ZNF827: variants seen among roughly 807,000 people sequenced by gnomAD.
ZNF827 encodes zinc finger protein 827.
A neutral mutation model predicts 102.4 loss-of-function variants in ZNF827; 13 were observed. That is an observed-to-expected ratio of 0.13 (90% confidence interval 0.08 to 0.20). The LOEUF is 0.20. Ranked by LOEUF, ZNF827 falls within the 10% of genes least tolerant of loss-of-function variation. ZNF827 has a pLI of 1.00. For synonymous variants in ZNF827, 523 were observed against 536.2 expected, an observed-to-expected ratio of 0.98 and a Z score of 0.34; for missense variants, 1,103 against 1,344.4, an observed-to-expected ratio of 0.82 and a Z score of 2.81.
In ZNF827 at chr4:145,761,466, G is replaced by A. The variant is rs1489646649; in HGVS notation, c.*150C>T. 1 of 1,289,736 alleles carries A rather than the reference G, an allele frequency of 7.8e-7. No homozygotes were observed. Among genetic ancestry groups the A allele is most frequent in the Non-Finnish European group, 1.0e-6 (1 of 988,878 alleles). The allele number at this position is 1,289,736 out of a possible 1,614,324, so 79.9% of individuals were successfully genotyped here. ...GGTTGCCCAGGCGGTGCTCCCGGGT[G>A]TGCGTCTCCAGCTCCAGCTGGTTGG... On this transcript the variant is annotated 3_prime_UTR_variant, in exon 15 of 15. Coordinates refer to ENST00000508784, the MANE Select transcript of ZNF827 (RefSeq NM_001306215.2). This position sits in a 1 kb window ranked among gnomAD's most constrained non-coding sequence, Gnocchi z 6.8.
intron 9 of ZNF827, 26 bp from the exon 10 acceptor site, chr4:145,775,986 C>T (rs1470470665): frequency 6.2e-7 from 1 of 1,613,476 alleles, no homozygotes; most frequent in African/African-American, 1.3e-5. Flanking sequence ...CAGGAAAAAG[C>T]CCAAATCGCT....
rs138759642 is a variant in ZNF827, at chr4:145,777,407, G to A, written c.2522-1447C>T. The stretch of plus-strand genomic sequence containing the variant: ...AAAAGGTTAGAAAGAACTCACCAGC[G>A]AAAATTTCTGGACCTGATGCCTTTA... On this transcript the variant is annotated intron_variant, in intron 9 of 14. Coordinates refer to ENST00000508784, the MANE Select transcript of ZNF827 (RefSeq NM_001306215.2). Among the ~76,000 whole-genome samples the A allele has an allele frequency of 4.7e-3, 714 of 152,258 alleles. 5 individuals carry two copies. The highest frequency in any genetic ancestry group is 0.016 in the African/African-American group (660 of 41,560).
intron 8 of ZNF827, among the ~76,000 whole-genome samples, chr4:145,785,717 T>C (rs1377301469): frequency 2.6e-5 from 4 of 152,214 alleles, no homozygotes; most frequent in African/African-American, 9.7e-5. Flanking sequence ...ACCTGGCTAG[T>C]GACTCTGGGA....
chr4:145,808,054 ATT>A (rs35503468), intron 8 of ZNF827, among the ~76,000 whole-genome samples: 23 of 145,462 alleles, frequency 1.6e-4, no homozygotes, highest in African/African-American at 1.8e-4. Flanking sequence ...AAGAGTACAC[ATT>A]TTTTTTTTTT....
chr4:145,796,605 A>G (rs1740402715), intron 8 of ZNF827, among the ~76,000 whole-genome samples: 1 of 149,336 alleles, frequency 6.7e-6, no homozygotes, highest in Non-Finnish European at 1.5e-5. Flanking sequence ...CCTTACATAA[A>G]TTATATCATT....
chr4:145,902,949 C>G lies in ZNF827; in HGVS notation c.310G>C (p.Gly104Arg). Reference protein sequence around the residue: ...SLQCQDHLSPGVSSLCDDDPG... With the variant: ...SLQCQDHLSPRVSSLCDDDPG... Reference sequence around the variant, plus strand: ...TCATCGTCACACAAAGAAGACACTCCCGGGGAAAGGTGATCTTGACACTGC... The same window carrying G: ...TCATCGTCACACAAAGAAGACACTCGCGGGGAAAGGTGATCTTGACACTGC... The change falls in exon 2 of 15, where the codon GGA (glycine) becomes CGA (arginine). Residue 104 changes from glycine (G) to arginine (R), a missense_variant. Gly to Arg is a moderately radical substitution (Grantham distance 125). This residue lies in a region of ZNF827 where 441 missense variants were observed against 458.6 expected (regional missense o/e 0.96). Transcript: ENST00000508784. The surrounding 1 kb of genome is among the most constrained non-coding windows in gnomAD (Gnocchi z 4.3). 6.2e-7 allele frequency: 1 copy of G among 1,614,148 alleles called. No individual in the cohort carries two copies. Among genetic ancestry groups the G allele is most frequent in the Non-Finnish European group, 8.5e-7 (1 of 1,180,016 alleles).
rs770263261 is a variant in ZNF827 at position 145,924,376 on chromosome 4, A to G, written c.43+13989T>C. 2.0e-5 allele frequency among the ~76,000 whole-genome samples: 3 copies of G among 152,244 alleles called. No homozygotes were observed. In the South Asian group the frequency reaches 6.2e-4, roughly 31 times the overall value. ...GTTGTCACTATGCTTTTCATTATATATGTATAGATGTTAGATATACTATTT... is the reference window on the plus strand; with the variant it reads ...GTTGTCACTATGCTTTTCATTATATGTGTATAGATGTTAGATATACTATTT... On this transcript the variant is annotated intron_variant, in intron 1 of 14. Transcript: ENST00000508784.
At chr4:145,851,378 T>C (rs1213193911) in intron 5 of ZNF827, among the ~76,000 whole-genome samples, 2 of 152,096 alleles carry the variant, frequency 1.3e-5, no homozygotes, top group Non-Finnish European at 2.9e-5. Context: ...TGCTGATCTG[T>C]GGGACAGTCA....
At chr4:145,849,609 T>C (rs1163257166) in intron 5 of ZNF827, 48 bp from the exon 6 acceptor site, 9 of 1,607,384 alleles carry the variant, frequency 5.6e-6, no homozygotes, top group Non-Finnish European at 7.6e-6. Flanking sequence ...CATTTCTTAA[T>C]TCCAAGCTAG....
chr4:145,926,079 T>C (rs1269151461), intron 1 of ZNF827, among the ~76,000 whole-genome samples: 2 of 152,234 alleles, frequency 1.3e-5, no homozygotes, highest in Non-Finnish European at 2.9e-5. Flanking sequence ...CTCTGCTCAC[T>C]TGTCTCTGAG....
rs1157235208 is a variant in ZNF827, at chr4:145,823,412, G to A, written c.2383+10C>T. On this transcript the variant is annotated intron_variant, in intron 8 of 14. Transcript: ENST00000508784. ...CAACAGTAGAAGCAAAGCCAACAAT[G>A]TTTCCATACCTGGAGCTGATATTCT... is the stretch of plus-strand genomic sequence containing the variant. 1.2e-6 allele frequency: 2 copies of A among 1,608,094 alleles called. No individual in the cohort carries two copies. Among genetic ancestry groups the A allele is most frequent in the Non-Finnish European group, 1.7e-6 (2 of 1,175,982 alleles).
chr4:145,760,347 CA>C lies in ZNF827; in HGVS notation c.*1268del, dbSNP rs1734314445. Reference sequence around the variant, plus strand: ...ACACGGCTTTCTCTTTCAGAATCCACAAACGCCCACACACCGCATTCACCCA... The same window carrying C: ...ACACGGCTTTCTCTTTCAGAATCCACAACGCCCACACACCGCATTCACCCA... On this transcript the variant is annotated 3_prime_UTR_variant, in exon 15 of 15. Coordinates refer to ENST00000508784, the MANE Select transcript of ZNF827 (RefSeq NM_001306215.2). The C allele has an allele frequency of 6.6e-6, 1 of 152,340 alleles. No individual in the cohort carries two copies. Among genetic ancestry groups the C allele is most frequent in the Admixed American group, 6.5e-5 (1 of 15,278 alleles). 9.4% of individuals were successfully genotyped at this position (152,340 alleles called of 1,614,324 possible).
chr4:145,935,528 A>G (rs984658212), intron 1 of ZNF827, among the ~76,000 whole-genome samples: 11 of 152,348 alleles, frequency 7.2e-5, no homozygotes, highest in South Asian at 4.1e-4. Flanking sequence ...AATCCATTCA[A>G]TGCAAAGGTA....
At chr4:145,792,992 T>C (rs1296929210) in intron 8 of ZNF827, among the ~76,000 whole-genome samples, 1 of 152,048 alleles carries the variant, frequency 6.6e-6, no homozygotes, top group East Asian at 1.9e-4. Context: ...ATTTTTCTCA[T>C]GCATTATGAC....
intron 1 of ZNF827, among the ~76,000 whole-genome samples, chr4:145,919,899 T>C (rs1362798295): frequency 6.6e-6 from 1 of 152,212 alleles, no homozygotes; most frequent in Non-Finnish European, 1.5e-5. Flanking sequence ...TTATACAGCA[T>C]GAAACAGCAT....
At chr4:145,823,386 T>C in intron 8 of ZNF827, 36 bp downstream of exon 8, 1 of 1,533,058 alleles carries the variant, frequency 6.5e-7, no homozygotes, top group Non-Finnish European at 9.0e-7. Context: ...TCTTAAGCAA[T>C]CAACAGTAGA....
intron 8 of ZNF827, among the ~76,000 whole-genome samples, chr4:145,803,467 C>T (rs1402479084): frequency 6.6e-6 from 1 of 151,792 alleles, no homozygotes; most frequent in Admixed American, 6.6e-5. Flanking sequence ...CAGGATCATT[C>T]TTAGTTCTTC....
chr4:145,866,819 C>A (rs1293486418), intron 5 of ZNF827, among the ~76,000 whole-genome samples: 4 of 152,214 alleles, frequency 2.6e-5, no homozygotes, highest in African/African-American at 9.6e-5. Flanking sequence ...TTATCTTCAT[C>A]ACTTTGCATC....
chr4:145,903,307 T>C, intron 1 of ZNF827, 92 bp from the exon 2 acceptor site: 2 of 1,479,874 alleles, frequency 1.4e-6, no homozygotes, highest in African/African-American at 1.4e-5. Flanking sequence ...ATGCTTTCTC[T>C]TCCCTTCCAC....
Sources: gnomAD v4.1 joint callset for allele counts (sites outside exome capture counted in the v4.1 genomes callset) on GRCh38, gnomAD v4.1.1 for gene constraint, gnomAD v4.1.1 regional missense constraint, Gnocchi (gnomAD v3.1) non-coding constraint, MANE v1.5 for transcripts, NCBI Gene and HGNC (gene_info 2026-07-23, HGNC 2026-07-21) for gene names.